ANKS1A: variants seen among roughly 807,000 people sequenced by gnomAD.
ANKS1A encodes ankyrin repeat and SAM domain-containing protein 1A.
Under a neutral mutation model 120.3 loss-of-function variants are expected in ANKS1A, and 55 were observed. The ratio of observed to expected loss-of-function variants is 0.46; its 90% confidence interval spans 0.37 to 0.57. ANKS1A has a LOEUF of 0.57. Ranked by LOEUF, ANKS1A falls within the 20% of genes least tolerant of loss-of-function variation. The pLI, the probability that ANKS1A is intolerant of heterozygous loss-of-function variation, is 0.00. For synonymous variants in ANKS1A, 590 were observed against 604.7 expected (o/e 0.98, Z 0.36); for missense variants, 1,123 against 1,480.3 (o/e 0.76, Z 3.96).
chr6:34,959,733 T>G (rs1770541480), intron 1 of ANKS1A, among the ~76,000 whole-genome samples: 1 of 152,238 alleles, frequency 6.6e-6, no homozygotes, highest in Non-Finnish European at 1.5e-5. Flanking sequence ...TCACAGAGAC[T>G]TTAAGCAATT....
intron 1 of ANKS1A, among the ~76,000 whole-genome samples, chr6:34,955,467 C>G (rs1442222380): frequency 9.2e-5 from 14 of 152,142 alleles, no homozygotes; most frequent in Non-Finnish European, 2.1e-4. Flanking sequence ...CCAGCTTATT[C>G]TTACTTCCCA....
chr6:35,072,759 C>T lies in ANKS1A; in HGVS notation c.2185-5799C>T, dbSNP rs1001721812. Among the ~76,000 whole-genome samples, 5 of 152,274 alleles carry T rather than the reference C, an allele frequency of 3.3e-5. No individual in the cohort carries two copies. In the East Asian group the frequency reaches 5.8e-4, roughly 18 times the overall value. ...GAGGGTCCTGGGAGGAGCATTTATG[C>T]GCGATGCTGAGAGATGGGATTCTAC... On this transcript the variant is annotated intron_variant, in intron 13 of 23. Coordinates refer to ENST00000360359, the MANE Select transcript of ANKS1A (RefSeq NM_015245.3).
chr6:35,077,527 G>A (rs755143732), intron 13 of ANKS1A, among the ~76,000 whole-genome samples: 20 of 152,254 alleles, frequency 1.3e-4, no homozygotes, highest in Admixed American at 3.9e-4. Flanking sequence ...CGTCCAGGAA[G>A]TGGCAGCAGC....
In ANKS1A at chr6:35,054,084, T is replaced by G. The variant is rs1171790112; in HGVS notation, c.2011-15T>G. On this transcript the variant is annotated splice_polypyrimidine_tract_variant and intron_variant, in intron 11 of 23. Coordinates refer to ENST00000360359, the MANE Select transcript of ANKS1A (RefSeq NM_015245.3). Reference sequence around the variant, plus strand: ...GCCTGACTGCCTCTCCTCTTTGTTCTTTCTTCCATTTCAGATTGAGAAAAT... The same window carrying G: ...GCCTGACTGCCTCTCCTCTTTGTTCGTTCTTCCATTTCAGATTGAGAAAAT... 1.2e-6 allele frequency: 2 copies of G among 1,612,642 alleles called. No individual in the cohort carries two copies. Among genetic ancestry groups the G allele is most frequent in the Non-Finnish European group, 1.7e-6 (2 of 1,178,910 alleles).
chr6:34,918,105 T>C (rs1768261921), intron 1 of ANKS1A, among the ~76,000 whole-genome samples: 1 of 152,208 alleles, frequency 6.6e-6, no homozygotes, highest in Non-Finnish European at 1.5e-5. Flanking sequence ...AGAAACTGAT[T>C]TTACCCATGA....
intron 1 of ANKS1A, among the ~76,000 whole-genome samples, chr6:34,924,198 G>T (rs1768591423): frequency 6.6e-6 from 1 of 151,950 alleles, no homozygotes; most frequent in Non-Finnish European, 1.5e-5. Context: ...CGGCTGAGAA[G>T]TTGGTCAGGG....
intron 1 of ANKS1A, among the ~76,000 whole-genome samples, chr6:34,925,984 T>TG (rs1200157784): frequency 1.3e-5 from 2 of 152,162 alleles, no homozygotes; most frequent in African/African-American, 4.8e-5. Context: ...TAGAGAGTCT[T>TG]GAGGAATTTT....
chr6:35,017,872 C>T lies in ANKS1A; in HGVS notation c.1823C>T (p.Pro608Leu), dbSNP rs1003275270. 5 of 1,614,100 alleles carry T rather than the reference C, an allele frequency of 3.1e-6. No homozygotes were observed. The highest frequency in any genetic ancestry group is 2.7e-5 in the African/African-American group (2 of 74,932). The change falls in exon 11 of 24, where the codon CCT (proline) becomes CTT (leucine). Residue 608 changes from proline (P) to leucine (L), a missense_variant. Physicochemically the swap from Pro to Leu is moderately conservative, Grantham distance 98. This residue lies in a region of ANKS1A where 904 missense variants were observed against 1,130.4 expected (regional missense o/e 0.80). Transcript: ENST00000360359. ...CGGAGTGGGGCCAGGAGCCGAGCGC[C>T]TCCCACTAGCAAACCCAAAGCTGAA... ...GDRSGARSRA[P>L]PTSKPKAELK...
At chr6:35,054,498 G>A (rs371967339) in intron 12 of ANKS1A, among the ~76,000 whole-genome samples, 156 of 152,296 alleles carry the variant, frequency 1.0e-3, no homozygotes, top group African/African-American at 2.9e-3. Flanking sequence ...GCACCTCAGC[G>A]TTGGTCTCTG....
At chr6:34,933,621 C>T (rs1270788598) in intron 1 of ANKS1A, among the ~76,000 whole-genome samples, 1 of 152,224 alleles carries the variant, frequency 6.6e-6, no homozygotes, top group Non-Finnish European at 1.5e-5. Flanking sequence ...CCGCCCGCCT[C>T]AGCCTCCCAA....
chr6:34,994,857 C>T (rs950167973), intron 10 of ANKS1A, among the ~76,000 whole-genome samples: 10 of 152,172 alleles, frequency 6.6e-5, no homozygotes, highest in African/African-American at 2.4e-4. Flanking sequence ...GGGAGGGGCC[C>T]GTGATTGGCT....
chr6:35,088,777 C>T lies in ANKS1A; in HGVS notation c.*168C>T, dbSNP rs1277021442. On this transcript the variant is annotated 3_prime_UTR_variant, in exon 24 of 24. Transcript: ENST00000360359. ...CTGGGCCTGCCACCACCACGTCCTG[C>T]AGAACGAGCCCTGCCTTGGCTGTGG... is the stretch of plus-strand genomic sequence containing the variant. The T allele has an allele frequency of 5.8e-6, 9 of 1,538,892 alleles. No individual in the cohort carries two copies. Among genetic ancestry groups the T allele is most frequent in the Non-Finnish European group, 7.9e-6 (9 of 1,145,318 alleles).
chr6:34,938,912 C>T (rs1420934858), intron 1 of ANKS1A, among the ~76,000 whole-genome samples: 1 of 152,178 alleles, frequency 6.6e-6, no homozygotes, highest in African/African-American at 2.4e-5. Flanking sequence ...TGCTTGAACC[C>T]GGGAGGTGGA....
intron 1 of ANKS1A, among the ~76,000 whole-genome samples, chr6:34,890,289 A>C (rs188177573): frequency 0.013 from 2,011 of 152,172 alleles, 17 homozygotes; most frequent in African/African-American, 0.02. Flanking sequence ...ACGGGGTTTC[A>C]CCATATTGGC....
Position 35,088,728 on chromosome 6 carries a change from A to C in ANKS1A, c.*119A>C, listed in dbSNP as rs567696251. 228 of 1,605,504 alleles carry C rather than the reference A, an allele frequency of 1.4e-4. No homozygotes were observed. The highest frequency in any genetic ancestry group is 9.9e-4 in the Middle Eastern group (6 of 6,052). ...AGACCCAGGCCTCACCTCCGCCTGC[A>C]GGACCTCCTCTTGGCCACTTGGCCT... On this transcript the variant is annotated 3_prime_UTR_variant, in exon 24 of 24. Coordinates refer to ENST00000360359, the MANE Select transcript of ANKS1A (RefSeq NM_015245.3).
At chr6:34,991,737 TATATAC>T (rs1370680236) in intron 9 of ANKS1A, among the ~76,000 whole-genome samples, 3 of 62,608 alleles carry the variant, frequency 4.8e-5, no homozygotes, top group South Asian at 4.8e-4. Context: ...TATACACATA[TATATAC>T]ATATATACAC....
At position 34,983,439 on chromosome 6, in the gene ANKS1A, C is replaced by T. The variant is rs1772018456; in HGVS notation, c.1012+14C>T. On this transcript the variant is annotated intron_variant, in intron 7 of 23. Coordinates refer to ENST00000360359, the MANE Select transcript of ANKS1A (RefSeq NM_015245.3). ...AGAAGTCTCAGGGTAAGGTAACTCT[C>T]CCCTATGAGTAAAGGGGTGCTCAGC... 4.4e-6 allele frequency: 7 copies of T among 1,597,768 alleles called. No homozygotes were observed. Among genetic ancestry groups the T allele is most frequent in the South Asian group, 3.4e-5 (3 of 89,322 alleles).
chr6:34,993,185 T>G (rs761339119), intron 9 of ANKS1A, among the ~76,000 whole-genome samples: 5 of 152,244 alleles, frequency 3.3e-5, no homozygotes, highest in Non-Finnish European at 7.3e-5. Flanking sequence ...TTATTCTTAT[T>G]TTTCTTCTTA....
At chr6:34,999,448 T>C (rs1205049288) in intron 10 of ANKS1A, among the ~76,000 whole-genome samples, 1 of 152,204 alleles carries the variant, frequency 6.6e-6, no homozygotes, top group Non-Finnish European at 1.5e-5. Flanking sequence ...TACCTGTTCT[T>C]TGTTTTGTGC....
Sources: allele counts gnomAD v4.1 joint callset (sites outside exome capture counted in the v4.1 genomes callset), GRCh38; gene constraint gnomAD v4.1.1; regional missense constraint gnomAD v4.1.1; transcripts MANE v1.5; gene names NCBI Gene and HGNC (gene_info 2026-07-23, HGNC 2026-07-21).